The following DLG2 variants were observed in gnomAD, a reference collection of about 807,000 sequenced individuals.
DLG2 encodes the protein disks large homolog 2.
DLG2 carries 45 observed loss-of-function variants against 132.5 expected under a neutral mutation model. The observed-to-expected ratio is 0.34, with a 90% CI of 0.27 to 0.44. The LOEUF is 0.44. Ranked by LOEUF, DLG2 falls within the 20% of genes least tolerant of loss-of-function variation. The probability of loss-of-function intolerance (pLI) is 1.00; values close to 1 mark genes in which losing one functional copy is unlikely to be tolerated. For synonymous variants in DLG2, 424 were observed against 419.6 expected, an observed-to-expected ratio of 1.01 and a Z score of -0.13; for missense variants, 1,045 against 1,196.9, an observed-to-expected ratio of 0.87 and a Z score of 1.87.
intron 3 of DLG2, among the ~76,000 whole-genome samples, chr11:85,300,633 A>G (rs1415591001): frequency 6.6e-6 from 1 of 152,198 alleles, no homozygotes; most frequent in Non-Finnish European, 1.5e-5. Flanking sequence ...TGTTGTCCAG[A>G]AGCAAAATTT....
intron 23 of DLG2, among the ~76,000 whole-genome samples, chr11:83,472,092 A>C (rs1460835479): frequency 1.3e-5 from 2 of 152,178 alleles, no homozygotes; most frequent in East Asian, 3.9e-4. Flanking sequence ...TATTGTTTAG[A>C]TATGACTATA....
chr11:84,553,153 A>G (rs1490816198), intron 6 of DLG2, among the ~76,000 whole-genome samples: 1 of 152,120 alleles, frequency 6.6e-6, no homozygotes, highest in Admixed American at 6.6e-5. Flanking sequence ...CCTTTTCCAC[A>G]GTCTCTCCTA....
At chr11:85,490,242 C>T (rs2093525800) in intron 3 of DLG2, among the ~76,000 whole-genome samples, 2 of 151,942 alleles carry the variant, frequency 1.3e-5, no homozygotes, top group Admixed American at 1.3e-4. Context: ...AAAACACAAA[C>T]ATACCAAACC....
intron 6 of DLG2, among the ~76,000 whole-genome samples, chr11:84,637,286 C>T (rs1286102839): frequency 3.3e-5 from 5 of 152,138 alleles, no homozygotes; most frequent in Non-Finnish European, 7.3e-5. Flanking sequence ...CCCAACAGCC[C>T]CAGGCTGTGA....
intron 11 of DLG2, among the ~76,000 whole-genome samples, chr11:83,988,379 C>G (rs965515644): frequency 6.6e-6 from 1 of 151,624 alleles, no homozygotes; most frequent in Non-Finnish European, 1.5e-5. Flanking sequence ...CAGCTTTGTT[C>G]TTTTTGCTTA....
At chr11:84,893,804 T>C (rs972253683) in intron 6 of DLG2, among the ~76,000 whole-genome samples, 2 of 152,166 alleles carry the variant, frequency 1.3e-5, no homozygotes, top group African/African-American at 4.8e-5. Context: ...ATTATTAATA[T>C]CTTACAAGGT....
intron 6 of DLG2, among the ~76,000 whole-genome samples, chr11:84,901,248 T>C (rs1198171345): frequency 2.6e-5 from 4 of 152,026 alleles, no homozygotes; most frequent in African/African-American, 9.7e-5. Flanking sequence ...ACTAGAGTAG[T>C]AGTCATTGAG....
At chr11:84,600,616 T>C (rs1358988363) in intron 6 of DLG2, among the ~76,000 whole-genome samples, 1 of 152,226 alleles carries the variant, frequency 6.6e-6, no homozygotes. Flanking sequence ...TGTTTATTTT[T>C]TCAAATTCAT....
chr11:84,255,516 G>A (rs2097454044), intron 7 of DLG2, among the ~76,000 whole-genome samples: 1 of 152,092 alleles, frequency 6.6e-6, no homozygotes, highest in African/African-American at 2.4e-5. Context: ...TAGAGATGCA[G>A]TTTTGCCAGG....
At chr11:84,609,034 A>C (rs576257923) in intron 6 of DLG2, among the ~76,000 whole-genome samples, 5 of 152,288 alleles carry the variant, frequency 3.3e-5, no homozygotes, top group African/African-American at 1.2e-4. Context: ...TCTGTTCTTG[A>C]TCCCTACGCT....
chr11:83,666,994 C>T (rs867482116), intron 18 of DLG2, among the ~76,000 whole-genome samples: 1 of 152,276 alleles, frequency 6.6e-6, no homozygotes, highest in African/African-American at 2.4e-5. Context: ...AGGCATACAC[C>T]GGAACTGGCC....
intron 7 of DLG2, among the ~76,000 whole-genome samples, chr11:84,460,663 T>C (rs1027703975): frequency 2.0e-5 from 3 of 150,786 alleles, no homozygotes; most frequent in African/African-American, 7.3e-5. Flanking sequence ...TTATTAAATA[T>C]GAGTGCATGT....
chr11:83,742,548 G>T (rs2092607637), intron 18 of DLG2, among the ~76,000 whole-genome samples: 1 of 152,100 alleles, frequency 6.6e-6, no homozygotes, highest in Admixed American at 6.6e-5. Context: ...CTGGCTGTGT[G>T]ATCTTTCATG....
chr11:83,943,052 C>G (rs1280658795), intron 14 of DLG2, among the ~76,000 whole-genome samples: 1 of 152,198 alleles, frequency 6.6e-6, no homozygotes, highest in Non-Finnish European at 1.5e-5. Flanking sequence ...CACAAGTTCT[C>G]TCTCTTTGCC....
chr11:84,186,001 G>A (rs1357615646), intron 8 of DLG2, among the ~76,000 whole-genome samples: 1 of 152,020 alleles, frequency 6.6e-6, no homozygotes, highest in Admixed American at 6.6e-5. Flanking sequence ...AATTGCCTGT[G>A]GCCATGATTG....
chr11:84,964,487 A>T (rs911609776), intron 6 of DLG2, among the ~76,000 whole-genome samples: 2 of 152,118 alleles, frequency 1.3e-5, no homozygotes, highest in African/African-American at 4.8e-5. Flanking sequence ...ATTTTCATCT[A>T]TTCTATGCCC....
intron 7 of DLG2, among the ~76,000 whole-genome samples, chr11:84,308,887 C>A (rs1056597344): frequency 3.9e-5 from 6 of 152,216 alleles, no homozygotes; most frequent in African/African-American, 9.6e-5. Context: ...ACAAGCATGG[C>A]GCGCAGCCCC....
At chr11:84,035,736 T>C (rs2095847859) in intron 11 of DLG2, among the ~76,000 whole-genome samples, 1 of 152,172 alleles carries the variant, frequency 6.6e-6, no homozygotes, top group Admixed American at 6.5e-5. Context: ...GTGAAGAGAC[T>C]GTAGAGGGTG....
At chr11:84,996,866 A>T (rs754998557) in intron 6 of DLG2, among the ~76,000 whole-genome samples, 12 of 152,208 alleles carry the variant, frequency 7.9e-5, no homozygotes, top group African/African-American at 1.4e-4. Flanking sequence ...AGCGTCTTGC[A>T]GCTGATATGT....
Sources: gnomAD v4.1 joint callset for allele counts (sites outside exome capture counted in the v4.1 genomes callset) on GRCh38, gnomAD v4.1.1 for gene constraint, MANE v1.5 for transcripts, NCBI Gene and HGNC (gene_info 2026-07-23, HGNC 2026-07-21) for gene names.